The following SDK1 variants were observed in gnomAD, a reference collection of about 807,000 sequenced individuals.
SDK1 encodes the protein sidekick cell adhesion molecule 1, also known as protein sidekick-1.
In SDK1, 157 loss-of-function variants were observed where a neutral mutation model predicts 245.5. That is an observed-to-expected ratio of 0.64 (90% CI 0.56 to 0.73). SDK1 has a LOEUF of 0.73. SDK1 is among the 30% of genes least tolerant of loss of function. SDK1 has a pLI of 0.00. For synonymous variants in SDK1, 1,647 were observed against 1,278.5 expected, an observed-to-expected ratio of 1.29 and a Z score of -6.15; for missense variants, 3,583 against 3,002.3, an observed-to-expected ratio of 1.19 and a Z score of -4.52.
At position 3,702,078 on chromosome 7, in the gene SDK1, A is replaced by G. The variant is rs565932513; in HGVS notation, c.713+59973A>G. Among the ~76,000 whole-genome samples, 11 of 152,248 alleles carry G rather than the reference A, an allele frequency of 7.2e-5. No individual in the cohort carries two copies. In the East Asian group the frequency reaches 2.1e-3, roughly 29 times the overall value. On this transcript the variant is annotated intron_variant, in intron 4 of 44. Transcript: ENST00000404826. ...AATAAACCTCTGGGGTTTAGAACTT[A>G]GTGAAGTGTTCTTAGACATGACACC...
At chr7:3,553,876 C>A (rs897262690) in intron 1 of SDK1, among the ~76,000 whole-genome samples, 2 of 152,192 alleles carry the variant, frequency 1.3e-5, no homozygotes, top group African/African-American at 2.4e-5. Context: ...CTGGGGAAGT[C>A]CCTTCACTCC....
chr7:3,636,525 C>T (rs959809639), intron 2 of SDK1, among the ~76,000 whole-genome samples: 8 of 152,224 alleles, frequency 5.3e-5, no homozygotes, highest in African/African-American at 9.6e-5. Flanking sequence ...TGCTATGTAG[C>T]AAATGCCAGG....
chr7:4,090,903 C>T (rs939663057), intron 22 of SDK1, among the ~76,000 whole-genome samples: 9 of 152,188 alleles, frequency 5.9e-5, no homozygotes, highest in African/African-American at 2.2e-4. Flanking sequence ...CTTCCCTTTT[C>T]TACATCTATC....
At chr7:3,594,688 C>T (rs955200265) in intron 1 of SDK1, among the ~76,000 whole-genome samples, 5 of 151,986 alleles carry the variant, frequency 3.3e-5, no homozygotes, top group Non-Finnish European at 7.4e-5. Flanking sequence ...TTTAATTTTC[C>T]CAGTGACTAA....
At chr7:3,490,838 C>G (rs140503364) in intron 1 of SDK1, among the ~76,000 whole-genome samples, 4 of 152,278 alleles carry the variant, frequency 2.6e-5, no homozygotes, top group African/African-American at 9.6e-5. Flanking sequence ...TATATACTCT[C>G]CCTTTTCTTG....
chr7:4,167,153 G>T (rs1483825607), intron 32 of SDK1, among the ~76,000 whole-genome samples: 1 of 152,182 alleles, frequency 6.6e-6, no homozygotes, highest in East Asian at 1.9e-4. Context: ...CAGCACTTTG[G>T]TAGGCTGAGG....
At chr7:4,241,675 C>A in intron 42 of SDK1, 118 bp from the exon 43 acceptor site, 1 of 1,281,186 alleles carries the variant, frequency 7.8e-7, no homozygotes, top group Non-Finnish European at 1.1e-6. Flanking sequence ...GTATCCTCAG[C>A]TCTGGGCTCT....
intron 29 of SDK1, among the ~76,000 whole-genome samples, chr7:4,148,585 CACA>C (rs1476168352): frequency 2.0e-5 from 3 of 152,290 alleles, no homozygotes; most frequent in South Asian, 2.1e-4. Context: ...GTGGACTGAG[CACA>C]ACATCAGAAA....
chr7:4,201,459 T>A lies in SDK1; in HGVS notation c.5099-4420T>A, dbSNP rs553400735. On this transcript the variant is annotated intron_variant, in intron 35 of 44. Coordinates refer to ENST00000404826, the MANE Select transcript of SDK1 (RefSeq NM_152744.4). The stretch of plus-strand genomic sequence containing the variant: ...AGCAAACTGAGGAATATACAATTTT[T>A]AAAAAATCATATAAAGAAAATTATT... 1.8e-4 allele frequency among the ~76,000 whole-genome samples: 27 copies of A among 152,340 alleles called. No homozygotes were observed. In the East Asian group the frequency reaches 4.2e-3, roughly 24 times the overall value.
chr7:4,019,984 C>T (rs564019974), intron 17 of SDK1, among the ~76,000 whole-genome samples: 1 of 152,308 alleles, frequency 6.6e-6, no homozygotes, highest in East Asian at 1.9e-4. Flanking sequence ...ATGGTAAATG[C>T]CTCTGGGGAA....
intron 21 of SDK1, among the ~76,000 whole-genome samples, chr7:4,078,267 C>T (rs1381534598): frequency 2.6e-5 from 4 of 152,126 alleles, no homozygotes; most frequent in African/African-American, 7.2e-5. Flanking sequence ...GGAGGCAAAT[C>T]AAATGGCGAG....
At chr7:3,495,200 C>G (rs372446988) in intron 1 of SDK1, among the ~76,000 whole-genome samples, 2 of 150,748 alleles carry the variant, frequency 1.3e-5, no homozygotes, top group African/African-American at 4.9e-5. Context: ...TCCCTCAGAA[C>G]TGTCATTTCA....
intron 5 of SDK1, among the ~76,000 whole-genome samples, chr7:3,937,547 C>T (rs1365565055): frequency 6.6e-6 from 1 of 152,228 alleles, no homozygotes; most frequent in African/African-American, 2.4e-5. Flanking sequence ...TGGATCCCTC[C>T]ATTCCAAGGT....
intron 4 of SDK1, among the ~76,000 whole-genome samples, chr7:3,710,033 G>GA (rs1044621386): frequency 4.6e-5 from 7 of 151,822 alleles, no homozygotes; most frequent in African/African-American, 1.4e-4. Flanking sequence ...GACTATAAAG[G>GA]AAAAAAAATC....
At chr7:4,149,666 C>T (rs914633112) in intron 30 of SDK1, among the ~76,000 whole-genome samples, 1 of 152,180 alleles carries the variant, frequency 6.6e-6, no homozygotes, top group African/African-American at 2.4e-5. Flanking sequence ...CACCCCCAGC[C>T]GCTTCCCGGA....
chr7:3,352,659 CTGTT>C (rs1562434438), intron 1 of SDK1, among the ~76,000 whole-genome samples: 1 of 152,118 alleles, frequency 6.6e-6, no homozygotes, highest in African/African-American at 2.4e-5. Context: ...CACAGATACA[CTGTT>C]TGGGGTTTTA....
intron 5 of SDK1, among the ~76,000 whole-genome samples, chr7:3,885,324 T>C (rs1167225642): frequency 6.6e-6 from 1 of 152,132 alleles, no homozygotes; most frequent in Admixed American, 6.5e-5. Context: ...TTCCTTGAAT[T>C]TGGTAACTTG....
At chr7:3,470,740 C>G (rs1781158589) in intron 1 of SDK1, among the ~76,000 whole-genome samples, 1 of 152,146 alleles carries the variant, frequency 6.6e-6, no homozygotes, top group South Asian at 2.1e-4. Flanking sequence ...TTTCCAAATT[C>G]CTTTTCCGAA....
chr7:4,047,880 G>A (rs141331978), intron 17 of SDK1, among the ~76,000 whole-genome samples: 45 of 152,244 alleles, frequency 3.0e-4, no homozygotes, highest in Non-Finnish European at 3.5e-4. Context: ...TCCAATGCTC[G>A]GCATCCCAGG....
Sources: gnomAD v4.1 joint callset for allele counts (sites outside exome capture counted in the v4.1 genomes callset) on GRCh38, gnomAD v4.1.1 for gene constraint, MANE v1.5 for transcripts, NCBI Gene and HGNC (gene_info 2026-07-23, HGNC 2026-07-21) for gene names.